Variants in RBFOX1 observed in about 807,000 individuals in gnomAD.
RBFOX1 encodes RNA binding protein fox-1 homolog 1.
In RBFOX1, 8 loss-of-function variants were observed where a neutral mutation model predicts 57.7. That is an observed-to-expected ratio of 0.14 (90% CI 0.08 to 0.25). The LOEUF (loss-of-function observed/expected upper bound fraction) is 0.25. Among genes scored for constraint, RBFOX1 ranks in the 10% least tolerant of loss-of-function variants. The probability of loss-of-function intolerance (pLI) is 1.00; values close to 1 mark genes in which losing one functional copy is unlikely to be tolerated. For missense variants in RBFOX1, 611 were observed against 548.5 expected (o/e 1.11, Z -1.14); for synonymous variants, 326 against 222.4 (o/e 1.47, Z -4.15).
intron 1 of RBFOX1, among the ~76,000 whole-genome samples, chr16:5,367,268 G>A (rs1429928167): frequency 6.6e-6 from 1 of 152,192 alleles, no homozygotes; most frequent in Non-Finnish European, 1.5e-5. Context: ...GGTATCTTAT[G>A]TGTGCAGTAT....
At chr16:7,351,605 G>C (rs538409052) in intron 4 of RBFOX1, among the ~76,000 whole-genome samples, 4 of 152,288 alleles carry the variant, frequency 2.6e-5, no homozygotes, top group African/African-American at 7.2e-5. Context: ...CTCTGCTCTT[G>C]AGCTCACATC....
At chr16:7,640,701 T>C (rs1222262013) in intron 11 of RBFOX1, among the ~76,000 whole-genome samples, 2 of 152,232 alleles carry the variant, frequency 1.3e-5, no homozygotes, top group African/African-American at 2.4e-5. Flanking sequence ...ACAGAAAGTG[T>C]TTTTTAATGC....
intron 3 of RBFOX1, among the ~76,000 whole-genome samples, chr16:5,740,381 G>A (rs139055319): frequency 9.8e-5 from 15 of 152,354 alleles, no homozygotes; most frequent in Non-Finnish European, 1.3e-4. Context: ...CACAGTCCCA[G>A]CAACAGTGAT....
intron 4 of RBFOX1, among the ~76,000 whole-genome samples, chr16:7,156,148 A>G (rs529159252): frequency 6.6e-6 from 1 of 151,874 alleles, no homozygotes; most frequent in African/African-American, 2.4e-5. Context: ...TGGGATCACA[A>G]GTGTGACCAC....
At chr16:7,649,309 A>G (rs554213746) in intron 11 of RBFOX1, among the ~76,000 whole-genome samples, 1 of 152,244 alleles carries the variant, frequency 6.6e-6, no homozygotes, top group South Asian at 2.1e-4. Context: ...GCAAGAATCA[A>G]TATTATCTTT....
At chr16:6,054,916 G>C (rs1038193337) in intron 1 of RBFOX1, among the ~76,000 whole-genome samples, 2 of 152,060 alleles carry the variant, frequency 1.3e-5, no homozygotes, top group African/African-American at 4.8e-5. Context: ...CCAAGTAGCT[G>C]GGACTGCAGG....
intron 1 of RBFOX1, among the ~76,000 whole-genome samples, chr16:6,167,039 C>G (rs1202677917): frequency 1.3e-5 from 2 of 152,154 alleles, no homozygotes; most frequent in Non-Finnish European, 2.9e-5. Flanking sequence ...TCCCAAAGTA[C>G]TGGGATTACA....
At chr16:7,362,863 C>T (rs1308110363) in intron 4 of RBFOX1, among the ~76,000 whole-genome samples, 1 of 152,084 alleles carries the variant, frequency 6.6e-6, no homozygotes, top group Non-Finnish European at 1.5e-5. Flanking sequence ...TATAATGTAC[C>T]AGTTAAGAGT....
At chr16:5,689,339 A>G (rs2050598351) in intron 3 of RBFOX1, among the ~76,000 whole-genome samples, 1 of 152,248 alleles carries the variant, frequency 6.6e-6, no homozygotes, top group African/African-American at 2.4e-5. Context: ...GAGTTAGATA[A>G]CATATATGCA....
intron 1 of RBFOX1, among the ~76,000 whole-genome samples, chr16:5,351,339 A>T (rs929953012): frequency 6.6e-6 from 1 of 152,224 alleles, no homozygotes; most frequent in Non-Finnish European, 1.5e-5. Context: ...TAGAAGGTAG[A>T]TACATTCACT....
chr16:5,559,012 C>T (rs2045786027), intron 2 of RBFOX1, among the ~76,000 whole-genome samples: 2 of 151,952 alleles, frequency 1.3e-5, no homozygotes, highest in Non-Finnish European at 2.9e-5. Flanking sequence ...TTTTGAAATA[C>T]CCTGAAACCA....
chr16:6,825,890 C>A (rs559536771), intron 3 of RBFOX1, among the ~76,000 whole-genome samples: 1 of 152,168 alleles, frequency 6.6e-6, no homozygotes, highest in Non-Finnish European at 1.5e-5. Flanking sequence ...TAGGTGGCAG[C>A]AAGACTTTAG....
intron 1 of RBFOX1, among the ~76,000 whole-genome samples, chr16:6,300,040 C>A (rs1403277492): frequency 6.6e-6 from 1 of 152,154 alleles, no homozygotes; most frequent in Non-Finnish European, 1.5e-5. Context: ...TCATTTGTGA[C>A]AACATGGTTG....
chr16:6,488,259 G>A (rs1295792673), intron 2 of RBFOX1, among the ~76,000 whole-genome samples: 3 of 152,160 alleles, frequency 2.0e-5, no homozygotes, highest in Non-Finnish European at 2.9e-5. Flanking sequence ...CTAGTTGTGA[G>A]GAAATCAGTT....
chr16:6,988,809 T>C (rs2090893486), intron 3 of RBFOX1, among the ~76,000 whole-genome samples: 1 of 151,112 alleles, frequency 6.6e-6, no homozygotes, highest in African/African-American at 2.4e-5. Flanking sequence ...GTCTTGCTCA[T>C]TGCCCAGGCT....
chr16:6,203,826 T>C (rs942440156), intron 1 of RBFOX1, among the ~76,000 whole-genome samples: 1 of 152,160 alleles, frequency 6.6e-6, no homozygotes, highest in Non-Finnish European at 1.5e-5. Flanking sequence ...GAAATACATC[T>C]GATGCAGCAG....
intron 3 of RBFOX1, among the ~76,000 whole-genome samples, chr16:6,689,411 C>G (rs940335390): frequency 6.6e-6 from 1 of 152,092 alleles, no homozygotes; most frequent in African/African-American, 2.4e-5. Context: ...ATAGATAATA[C>G]TTTTTTCCTA....
chr16:7,029,633 G>A (rs925842492), intron 3 of RBFOX1, among the ~76,000 whole-genome samples: 1 of 152,040 alleles, frequency 6.6e-6, no homozygotes, highest in Non-Finnish European at 1.5e-5. Context: ...AAGCAGAAGG[G>A]TATGAGATTT....
chr16:7,132,618 CCA>C (rs1555500327), intron 4 of RBFOX1, among the ~76,000 whole-genome samples: 1 of 148,286 alleles, frequency 6.7e-6, no homozygotes, highest in African/African-American at 2.5e-5. Flanking sequence ...AAAAAAAAAA[CCA>C]CACACACACA....
Sources: allele counts gnomAD v4.1 joint callset (sites outside exome capture counted in the v4.1 genomes callset), GRCh38; gene constraint gnomAD v4.1.1; transcripts MANE v1.5; gene names NCBI Gene and HGNC (gene_info 2026-07-23, HGNC 2026-07-21).